Variants in RGS7 observed in about 807,000 individuals in gnomAD.
RGS7 encodes the protein regulator of G-protein signaling 7.
RGS7 carries 27 observed loss-of-function variants against 81.1 expected under a neutral mutation model. That is an observed-to-expected ratio of 0.33 (90% CI 0.25 to 0.46). The LOEUF (loss-of-function observed/expected upper bound fraction) is 0.46. RGS7 is among the 20% of genes least tolerant of loss of function. RGS7 has a pLI of 1.00. For missense variants in RGS7, 396 were observed against 607.4 expected (o/e 0.65, Z 3.66); for synonymous variants, 208 against 207.7 (o/e 1.00, Z -0.01).
intron 2 of RGS7, among the ~76,000 whole-genome samples, chr1:241,287,610 C>G (rs1001767866): frequency 3.9e-5 from 6 of 152,120 alleles, no homozygotes; most frequent in African/African-American, 1.2e-4. Context: ...CGCCCTGGAT[C>G]TACTTTTCCC....
intron 4 of RGS7, among the ~76,000 whole-genome samples, chr1:240,957,763 G>T (rs537989164): frequency 4.6e-5 from 7 of 152,252 alleles, no homozygotes; most frequent in African/African-American, 1.7e-4. Context: ...AGGGAAACTG[G>T]GGGGTGGGAT....
chr1:241,087,703 C>T (rs563348319), intron 3 of RGS7, among the ~76,000 whole-genome samples: 4 of 152,192 alleles, frequency 2.6e-5, no homozygotes, highest in Admixed American at 1.3e-4. Flanking sequence ...AACCCCAGCA[C>T]TTTGGGAGGC....
intron 2 of RGS7, among the ~76,000 whole-genome samples, chr1:241,258,249 G>T (rs1351573920): frequency 6.6e-6 from 1 of 151,960 alleles, no homozygotes; most frequent in Admixed American, 6.6e-5. Flanking sequence ...CATTTCCCCT[G>T]GGGAAATGAG....
In RGS7 at chr1:241,097,456, C is replaced by T. The variant is rs562801151; in HGVS notation, c.175+1210G>A. Among the ~76,000 whole-genome samples, 11 of 152,206 alleles carry T rather than the reference C, an allele frequency of 7.2e-5. No individual in the cohort carries two copies. In the East Asian group the frequency reaches 7.8e-4, roughly 11 times the overall value. On this transcript the variant is annotated intron_variant, in intron 3 of 18. Transcript: ENST00000440928. ...AGGTATCAAACCCCGACACGGAGGC[C>T]GCTTCCCTATTATTCCTGTCCTGAT...
At chr1:241,325,861 A>T (rs1238685922) in intron 2 of RGS7, among the ~76,000 whole-genome samples, 1 of 152,192 alleles carries the variant, frequency 6.6e-6, no homozygotes, top group Non-Finnish European at 1.5e-5. Flanking sequence ...TCTTACAGGA[A>T]AATGTAATTT....
At chr1:241,224,063 AAT>A (rs33967533) in intron 2 of RGS7, among the ~76,000 whole-genome samples, 21 of 147,018 alleles carry the variant, frequency 1.4e-4, no homozygotes, top group Non-Finnish European at 1.6e-4. Flanking sequence ...ACTGGTGACC[AAT>A]ATATATATAT....
chr1:241,117,242 A>G (rs1246466880), intron 2 of RGS7, among the ~76,000 whole-genome samples: 1 of 152,226 alleles, frequency 6.6e-6, no homozygotes, highest in Admixed American at 6.5e-5. Context: ...CAGTGATACA[A>G]TCCTTTACAT....
chr1:240,978,787 C>A (rs993227691), intron 4 of RGS7, among the ~76,000 whole-genome samples: 1 of 152,086 alleles, frequency 6.6e-6, no homozygotes, highest in Non-Finnish European at 1.5e-5. Flanking sequence ...ATTTTCTGAA[C>A]TATTATGTAA....
intron 9 of RGS7, 40 bp from the exon 10 acceptor site, chr1:240,827,212 T>G (rs1204084116): frequency 6.6e-7 from 1 of 1,526,684 alleles, no homozygotes; most frequent in Admixed American, 1.7e-5. Context: ...AATCTTTGGG[T>G]GTGAAATTTC....
At chr1:241,354,791 T>C (rs897698237) in intron 2 of RGS7, among the ~76,000 whole-genome samples, 17 of 152,216 alleles carry the variant, frequency 1.1e-4, no homozygotes, top group African/African-American at 4.1e-4. Flanking sequence ...TTTACCATTG[T>C]TAGTGTTAAC....
chr1:240,850,330 C>A (rs1468333943), intron 9 of RGS7, among the ~76,000 whole-genome samples: 1 of 150,828 alleles, frequency 6.6e-6, no homozygotes, highest in Non-Finnish European at 1.5e-5. Context: ...ATATTTCAGA[C>A]CTTTTCATTA....
intron 2 of RGS7, among the ~76,000 whole-genome samples, chr1:241,319,049 T>C (rs1463658156): frequency 6.6e-6 from 1 of 152,212 alleles, no homozygotes; most frequent in Non-Finnish European, 1.5e-5. Context: ...ATTGTTAAAA[T>C]GATTAAATGA....
intron 2 of RGS7, among the ~76,000 whole-genome samples, chr1:241,143,290 A>G (rs1449477972): frequency 6.6e-6 from 1 of 152,118 alleles, no homozygotes; most frequent in East Asian, 1.9e-4. Context: ...GCAATACCCC[A>G]CTCTACTGGT....
intron 6 of RGS7, among the ~76,000 whole-genome samples, chr1:240,926,926 T>C (rs1316770018): frequency 2.0e-5 from 3 of 152,220 alleles, no homozygotes; most frequent in African/African-American, 7.2e-5. Flanking sequence ...AAAACCAAGA[T>C]AATTATGAAA....
chr1:240,783,586 GCA>G (rs1316666667), intron 18 of RGS7, among the ~76,000 whole-genome samples: 1 of 151,742 alleles, frequency 6.6e-6, no homozygotes, highest in Non-Finnish European at 1.5e-5. Flanking sequence ...TTGCGCCACT[GCA>G]CTCCAGTCTG....
intron 2 of RGS7, among the ~76,000 whole-genome samples, chr1:241,139,886 T>C (rs1423327468): frequency 1.3e-5 from 2 of 152,258 alleles, no homozygotes; most frequent in Non-Finnish European, 2.9e-5. Flanking sequence ...ACTCTTCTGA[T>C]CTTAAGAGTA....
At chr1:240,925,309 A>C (rs1333088618) in intron 6 of RGS7, among the ~76,000 whole-genome samples, 1 of 151,856 alleles carries the variant, frequency 6.6e-6, no homozygotes, top group East Asian at 1.9e-4. Flanking sequence ...GCCAGCGTCT[A>C]TTGTTCTCAT....
intron 2 of RGS7, among the ~76,000 whole-genome samples, chr1:241,100,791 C>T (rs79021626): frequency 0.021 from 3,202 of 152,292 alleles, 52 homozygotes; most frequent in Non-Finnish European, 0.03. Flanking sequence ...AAATATTAGA[C>T]CAAATGTCCA....
chr1:241,066,385 C>T (rs1324804609), intron 3 of RGS7, among the ~76,000 whole-genome samples: 3 of 152,280 alleles, frequency 2.0e-5, no homozygotes, highest in East Asian at 1.9e-4. Context: ...CTCTGATCTC[C>T]GTAGCATAAG....
Sources: allele counts gnomAD v4.1 joint callset (sites outside exome capture counted in the v4.1 genomes callset), GRCh38; gene constraint gnomAD v4.1.1; transcripts MANE v1.5; gene names NCBI Gene and HGNC (gene_info 2026-07-23, HGNC 2026-07-21).